Variants in TRPS1 observed in about 807,000 individuals in gnomAD.
TRPS1 encodes transcriptional repressor GATA binding 1, also known as zinc finger transcription factor Trps1.
Under a neutral mutation model 101.2 loss-of-function variants are expected in TRPS1, and 6 were observed. The observed-to-expected ratio is 0.06, with a 90% CI of 0.03 to 0.12. The LOEUF (loss-of-function observed/expected upper bound fraction) is 0.12. Ranked by LOEUF, TRPS1 falls within the 10% of genes least tolerant of loss-of-function variation. The pLI is 1.00. For synonymous variants in TRPS1, 578 were observed against 589.8 expected (o/e 0.98, Z 0.29); for missense variants, 1,363 against 1,567.0 (o/e 0.87, Z 2.20).
intron 5 of TRPS1, among the ~76,000 whole-genome samples, chr8:115,583,852 T>A (rs1817506869): frequency 6.6e-6 from 1 of 151,948 alleles, no homozygotes; most frequent in Non-Finnish European, 1.5e-5. Context: ...TATACATAAA[T>A]GATATCATAT....
chr8:115,596,226 T>A (rs1817781663), intron 4 of TRPS1, among the ~76,000 whole-genome samples: 1 of 151,916 alleles, frequency 6.6e-6, no homozygotes, highest in Admixed American at 6.6e-5. Flanking sequence ...ATGTGTGTAG[T>A]TTTCCACATT....
intron 5 of TRPS1, among the ~76,000 whole-genome samples, chr8:115,552,503 A>G (rs2130343915): frequency 6.6e-6 from 1 of 152,338 alleles, no homozygotes; most frequent in Non-Finnish European, 1.5e-5. Context: ...GGAAAATCAA[A>G]TGCATATTAA....
chr8:115,485,953 C>G (rs1814868133), intron 5 of TRPS1, among the ~76,000 whole-genome samples: 1 of 152,182 alleles, frequency 6.6e-6, no homozygotes, highest in Non-Finnish European at 1.5e-5. Flanking sequence ...TGAAGGAAAA[C>G]TCCATAAAAT....
chr8:115,627,825 TC>T (rs1442905969), intron 1 of TRPS1, among the ~76,000 whole-genome samples: 1 of 151,822 alleles, frequency 6.6e-6, no homozygotes, highest in Non-Finnish European at 1.5e-5. Context: ...TAAATCTGTG[TC>T]AATCACTGCA....
chr8:115,581,245 G>T (rs1454728299), intron 5 of TRPS1, among the ~76,000 whole-genome samples: 1 of 151,896 alleles, frequency 6.6e-6, no homozygotes, highest in African/African-American at 2.4e-5. Context: ...GAAGATATTA[G>T]AGGATAGGAA....
At chr8:115,415,707 T>C (rs1390927623) in intron 6 of TRPS1, among the ~76,000 whole-genome samples, 3 of 152,156 alleles carry the variant, frequency 2.0e-5, no homozygotes, top group Non-Finnish European at 4.4e-5. Flanking sequence ...AGGGCACAGA[T>C]AGAAGGTGGC....
intron 5 of TRPS1, among the ~76,000 whole-genome samples, chr8:115,488,967 T>C (rs892354846): frequency 6.6e-6 from 1 of 152,246 alleles, no homozygotes; most frequent in African/African-American, 2.4e-5. Context: ...CAGTTACTTC[T>C]ATTTTAAAAA....
rs1460209350 is a variant in TRPS1, at chr8:115,412,198, GGAAT to G, written c.*1821_*1824del. On this transcript the variant is annotated 3_prime_UTR_variant, in exon 7 of 7. Coordinates refer to ENST00000395715, the MANE Select transcript of TRPS1 (RefSeq NM_014112.5). Reference sequence around the variant, plus strand: ...AAAAATTAAAAAAAAAAAAGTACTTGGAATGAATAAGTGCTACCCTTTTTTTCCT... The same window carrying G: ...AAAAATTAAAAAAAAAAAAGTACTTGGAATAAGTGCTACCCTTTTTTTCCT... The G allele has an allele frequency of 1.3e-5, 2 of 151,664 alleles. No individual in the cohort carries two copies. Among genetic ancestry groups the G allele is most frequent in the Non-Finnish European group, 2.9e-5 (2 of 67,822 alleles). The allele number at this position is 151,664 out of a possible 1,614,324, so 9.4% of individuals were successfully genotyped here.
chr8:115,460,443 GT>G (rs748989774), intron 5 of TRPS1, among the ~76,000 whole-genome samples: 4 of 151,650 alleles, frequency 2.6e-5, no homozygotes, highest in Admixed American at 2.6e-4. Context: ...AAAAATCAGG[GT>G]TTTTTTCCTA....
At chr8:115,525,140 T>C (rs1815964882) in intron 5 of TRPS1, among the ~76,000 whole-genome samples, 1 of 152,184 alleles carries the variant, frequency 6.6e-6, no homozygotes, top group Non-Finnish European at 1.5e-5. Context: ...AGAAATTAAG[T>C]ATCTTATGGT....
intron 5 of TRPS1, among the ~76,000 whole-genome samples, chr8:115,442,427 CTCTAAT>C (rs774300995): frequency 1.3e-5 from 2 of 150,838 alleles, no homozygotes; most frequent in African/African-American, 4.8e-5. Context: ...TTGGAAAATT[CTCTAAT>C]TCTGTCTATG....
intron 5 of TRPS1, 50 bp downstream of exon 5, chr8:115,586,951 C>T: frequency 1.2e-6 from 2 of 1,610,316 alleles, no homozygotes; most frequent in Non-Finnish European, 1.7e-6. Context: ...GTGTGTTCCT[C>T]CTTTTGCCCT....
At chr8:115,509,969 A>G (rs1815541699) in intron 5 of TRPS1, among the ~76,000 whole-genome samples, 1 of 152,038 alleles carries the variant, frequency 6.6e-6, no homozygotes, top group Non-Finnish European at 1.5e-5. Context: ...ATTAACCTGC[A>G]TGAAACATTT....
chr8:115,491,593 T>C (rs1279439201), intron 5 of TRPS1, among the ~76,000 whole-genome samples: 2 of 150,266 alleles, frequency 1.3e-5, no homozygotes, highest in African/African-American at 4.9e-5. Flanking sequence ...ATTTCCAGGA[T>C]GCAGTGAGCC....
rs554405553 is a variant in TRPS1 at position 115,618,267 on chromosome 8, C to CT, written c.966+864dup. 1.5e-4 allele frequency among the ~76,000 whole-genome samples: 23 copies of CT among 152,222 alleles called. No homozygotes were observed. In the East Asian group the frequency reaches 4.1e-3, roughly 27 times the overall value. ...ACAAACTGTAACAAAAACTAATACA[C>CT]TTTCTCAAGCTGACCATGAATTTTG... On this transcript the variant is annotated intron_variant, in intron 3 of 6. Transcript: ENST00000395715.
chr8:115,412,762 T>G lies in TRPS1; in HGVS notation c.*1261A>C, dbSNP rs1812819650. The G allele has an allele frequency of 6.6e-6, 1 of 152,670 alleles. No individual in the cohort carries two copies. Among genetic ancestry groups the G allele is most frequent in the Admixed American group, 6.5e-5 (1 of 15,274 alleles). 9.5% of individuals were successfully genotyped at this position (152,670 alleles called of 1,614,324 possible). A position where few individuals can be genotyped will look rare whatever the true frequency, so the allele number is the denominator to read the frequency against. On this transcript the variant is annotated 3_prime_UTR_variant, in exon 7 of 7. Coordinates refer to ENST00000395715, the MANE Select transcript of TRPS1 (RefSeq NM_014112.5). ...AGCACCTTTAACCAATTATTTAATG[T>G]TCAGTTATTTAGCCCTATTTCCCTG...
intron 5 of TRPS1, among the ~76,000 whole-genome samples, chr8:115,477,928 T>C (rs922195097): frequency 3.9e-5 from 6 of 152,116 alleles, no homozygotes; most frequent in African/African-American, 1.4e-4. Flanking sequence ...TCCCATGCTA[T>C]CACATATCTC....
At chr8:115,518,924 A>T (rs2130218396) in intron 5 of TRPS1, among the ~76,000 whole-genome samples, 1 of 151,928 alleles carries the variant, frequency 6.6e-6, no homozygotes, top group African/African-American at 2.4e-5. Flanking sequence ...TGCCTTTTAC[A>T]ATTGTCAAGG....
At chr8:115,497,784 A>C (rs1815185534) in intron 5 of TRPS1, among the ~76,000 whole-genome samples, 1 of 152,180 alleles carries the variant, frequency 6.6e-6, no homozygotes, top group Admixed American at 6.5e-5. Flanking sequence ...TACATCAATA[A>C]GCCTTTGTAA....
Sources: gnomAD v4.1 joint callset for allele counts (sites outside exome capture counted in the v4.1 genomes callset) on GRCh38, gnomAD v4.1.1 for gene constraint, MANE v1.5 for transcripts, NCBI Gene and HGNC (gene_info 2026-07-23, HGNC 2026-07-21) for gene names.